Variants in C12orf42 observed in about 807,000 individuals in gnomAD.
C12orf42 encodes the protein uncharacterized protein C12orf42.
A neutral mutation model predicts 21.6 loss-of-function variants in C12orf42; 25 were observed. The observed-to-expected ratio is 1.16, with a 90% CI of 0.84 to 1.62. The LOEUF is 1.62. Among genes scored for constraint, C12orf42 ranks in the 40% most tolerant of loss-of-function variants. The pLI is 0.00. For missense variants in C12orf42, 483 were observed against 459.3 expected (o/e 1.05, Z -0.47); for synonymous variants, 174 against 175.0 (o/e 0.99, Z 0.05).
intron 10 of C12orf42, among the ~76,000 whole-genome samples, chr12:103,259,776 T>C (rs183572750): frequency 4.6e-5 from 7 of 152,282 alleles, no homozygotes; most frequent in African/African-American, 1.7e-4. Flanking sequence ...TAAGTAATAA[T>C]AATAACTGTT....
the C12orf42 span, among the ~76,000 whole-genome samples, chr12:103,075,710 C>G: frequency 5.9e-5 from 9 of 152,228 alleles, no homozygotes; most frequent in African/African-American, 2.2e-4. Context: ...TTTTGACCAC[C>G]CAACCAGTCC....
At chr12:103,133,294 C>T in the C12orf42 span, among the ~76,000 whole-genome samples, 5 of 152,274 alleles carry the variant, frequency 3.3e-5, no homozygotes, top group African/African-American at 7.2e-5. Context: ...CTACTGCCAT[C>T]ACCCATGACA....
intron 4 of C12orf42, among the ~76,000 whole-genome samples, chr12:103,366,529 C>T (rs1213444249): frequency 2.6e-5 from 4 of 152,054 alleles, no homozygotes; most frequent in Non-Finnish European, 5.9e-5. Flanking sequence ...AAACAGACAA[C>T]CCACAGAATG....
chr12:103,409,619 G>A (rs936627856), intron 2 of C12orf42, among the ~76,000 whole-genome samples: 1 of 151,976 alleles, frequency 6.6e-6, no homozygotes, highest in South Asian at 2.1e-4. Context: ...GTCAAAAATG[G>A]ATAGATGTGC....
the C12orf42 span, among the ~76,000 whole-genome samples, chr12:103,535,885 C>T: frequency 2.6e-5 from 4 of 152,174 alleles, no homozygotes; most frequent in African/African-American, 9.7e-5. Context: ...TCAATTGACC[C>T]TCTCACCTTA....
chr12:103,109,357 G>A, the C12orf42 span, among the ~76,000 whole-genome samples: 1 of 152,028 alleles, frequency 6.6e-6, no homozygotes, highest in African/African-American at 2.4e-5. Context: ...GGGTGTGCGT[G>A]TGTGTGTCTG....
chr12:103,112,433 G>A, the C12orf42 span, among the ~76,000 whole-genome samples: 5 of 152,146 alleles, frequency 3.3e-5, no homozygotes, highest in South Asian at 8.3e-4. Flanking sequence ...GCCGAGGCAG[G>A]CGGATCACCT....
intron 2 of C12orf42, among the ~76,000 whole-genome samples, chr12:103,474,474 G>GTGTGTA (rs1953891841): frequency 6.6e-6 from 1 of 152,000 alleles, no homozygotes; most frequent in African/African-American, 2.4e-5. Context: ...GTGTGTGTGT[G>GTGTGTA]TGTGTGTATA....
chr12:103,475,023 T>A (rs1427474361), intron 2 of C12orf42, among the ~76,000 whole-genome samples: 1 of 152,258 alleles, frequency 6.6e-6, no homozygotes, highest in African/African-American at 2.4e-5. Flanking sequence ...AACTTTTGTG[T>A]GGCCTTTTTA....
chr12:103,437,580 C>T (rs1036357776), intron 2 of C12orf42, among the ~76,000 whole-genome samples: 1 of 151,962 alleles, frequency 6.6e-6, no homozygotes, highest in Non-Finnish European at 1.5e-5. Flanking sequence ...GATATCACCA[C>T]CGATCCCACA....
intron 4 of C12orf42, among the ~76,000 whole-genome samples, chr12:103,281,558 A>G (rs1043382816): frequency 6.6e-6 from 1 of 152,040 alleles, no homozygotes; most frequent in African/African-American, 2.4e-5. Context: ...GGGTTTCACC[A>G]TGTTAGCCAG....
chr12:103,379,062 G>T (rs895856721), intron 3 of C12orf42, among the ~76,000 whole-genome samples: 1 of 151,860 alleles, frequency 6.6e-6, no homozygotes, highest in Non-Finnish European at 1.5e-5. Flanking sequence ...AAGGAGATAC[G>T]TAGATATATA....
chr12:103,325,848 G>T (rs1003630144), intron 4 of C12orf42, among the ~76,000 whole-genome samples: 2 of 152,086 alleles, frequency 1.3e-5, no homozygotes, highest in Admixed American at 6.5e-5. Flanking sequence ...GGCTTCCTAT[G>T]ACAACTTAAA....
At chr12:103,175,803 G>A in the C12orf42 span, among the ~76,000 whole-genome samples, 17 of 152,022 alleles carry the variant, frequency 1.1e-4, no homozygotes, top group Non-Finnish European at 2.2e-4. Context: ...CAAGGTGACC[G>A]GGCACCATGA....
chr12:103,117,021 T>G, the C12orf42 span, among the ~76,000 whole-genome samples: 1 of 152,220 alleles, frequency 6.6e-6, no homozygotes, highest in Non-Finnish European at 1.5e-5. Flanking sequence ...TCTCAAATAT[T>G]TATCATTTCT....
At chr12:103,198,795 C>T in the C12orf42 span, among the ~76,000 whole-genome samples, 26 of 152,186 alleles carry the variant, frequency 1.7e-4, no homozygotes, top group African/African-American at 6.3e-4. Context: ...CTAGCTTCCT[C>T]CCCCATGATC....
intron 2 of C12orf42, among the ~76,000 whole-genome samples, chr12:103,468,290 T>G (rs936150494): frequency 2.6e-5 from 4 of 152,210 alleles, no homozygotes; most frequent in African/African-American, 9.6e-5. Context: ...AAAGAGGAAT[T>G]GATGTACATA....
the C12orf42 span, among the ~76,000 whole-genome samples, chr12:103,204,027 AC>A: frequency 6.6e-6 from 1 of 152,266 alleles, no homozygotes; most frequent in East Asian, 1.9e-4. Flanking sequence ...AGCTGGCAAA[AC>A]CAGCAAGATG....
intron 1 of C12orf42, among the ~76,000 whole-genome samples, chr12:103,482,163 C>CT (rs1276256303): frequency 6.6e-6 from 1 of 152,004 alleles, no homozygotes; most frequent in Non-Finnish European, 1.5e-5. Context: ...CATAATCAGC[C>CT]TTTTTTGCAT....
Sources: gnomAD v4.1 joint callset for allele counts (sites outside exome capture counted in the v4.1 genomes callset) on GRCh38, gnomAD v4.1.1 for gene constraint, MANE v1.5 for transcripts, NCBI Gene and HGNC (gene_info 2026-07-23, HGNC 2026-07-21) for gene names.